CRACD: variants seen among roughly 807,000 people sequenced by gnomAD.
CRACD encodes capping protein-inhibiting regulator of actin dynamics.
In CRACD, 56 loss-of-function variants were observed where a neutral mutation model predicts 106.8. The ratio of observed to expected loss-of-function variants is 0.52; its 90% CI spans 0.42 to 0.66. The LOEUF (loss-of-function observed/expected upper bound fraction) is 0.66. Among genes scored for constraint, CRACD ranks in the 30% least tolerant of loss-of-function variants. The probability of loss-of-function intolerance (pLI) is 0.00; values close to 1 mark genes in which losing one functional copy is unlikely to be tolerated. For synonymous variants in CRACD, 754 were observed against 670.8 expected (o/e 1.12, Z -1.92); for missense variants, 1,730 against 1,623.2 (o/e 1.07, Z -1.13).
At chr4:56,317,141 A>G (rs1258484387) in intron 8 of CRACD, among the ~76,000 whole-genome samples, 3 of 152,216 alleles carry the variant, frequency 2.0e-5, no homozygotes, top group African/African-American at 2.4e-5. Flanking sequence ...AATTCCCCAG[A>G]TAAGGAGTTT....
intron 2 of CRACD, among the ~76,000 whole-genome samples, chr4:56,262,476 A>C (rs1269127460): frequency 1.3e-5 from 2 of 152,174 alleles, no homozygotes; most frequent in Non-Finnish European, 2.9e-5. Flanking sequence ...AGCCCCACAC[A>C]AATTCATAAA....
At position 56,095,586 on chromosome 4, in the gene CRACD, C is replaced by T. The variant is rs150939570; in HGVS notation, c.-336+46287C>T. On this transcript the variant is annotated intron_variant, in intron 1 of 10. Coordinates refer to ENST00000682029, the MANE Select transcript of CRACD (RefSeq NM_001393381.1). ...TGTGGAAATGCTCCAAGGTGGGCTG[C>T]GCCTACCTTGGTCAAGAAGCAGTAA... Among the ~76,000 whole-genome samples, 6 of 152,218 alleles carry T rather than the reference C, an allele frequency of 3.9e-5. No individual in the cohort carries two copies. The East Asian group carries it at 7.7e-4, about 20-fold the overall frequency.
chr4:56,057,799 ATTTTTTTTTTTTTTGTT>A (rs1732130777), intron 1 of CRACD, among the ~76,000 whole-genome samples: 5 of 43,482 alleles, frequency 1.1e-4, no homozygotes, highest in South Asian at 7.9e-4. Flanking sequence ...CATTTTTTGT[ATTTTTTTTTTTTTTGTT>A]TTTTTTTTTT....
chr4:56,058,098 A>C (rs1732149599), intron 1 of CRACD, among the ~76,000 whole-genome samples: 1 of 150,982 alleles, frequency 6.6e-6, no homozygotes, highest in Non-Finnish European at 1.5e-5. Context: ...CTAGGATTAC[A>C]GGCATGAGCC....
chr4:56,243,787 C>T (rs1247318822), intron 2 of CRACD, among the ~76,000 whole-genome samples: 3 of 152,190 alleles, frequency 2.0e-5, no homozygotes, highest in Non-Finnish European at 2.9e-5. Flanking sequence ...TCCAATTACA[C>T]TCTTTAAGTT....
intron 2 of CRACD, among the ~76,000 whole-genome samples, chr4:56,186,115 T>A (rs1189032161): frequency 6.6e-6 from 1 of 152,162 alleles, no homozygotes; most frequent in East Asian, 1.9e-4. Context: ...CCAAGATGAG[T>A]TGCACAGATG....
chr4:56,171,804 C>T (rs73240522), intron 1 of CRACD, among the ~76,000 whole-genome samples: 5,857 of 152,156 alleles, frequency 0.038, 199 homozygotes, highest in Non-Finnish European at 0.057. Flanking sequence ...ATGCCTGCCT[C>T]CGTCCTGTGG....
intron 2 of CRACD, among the ~76,000 whole-genome samples, chr4:56,185,158 T>C (rs112403124): frequency 6.6e-6 from 1 of 152,192 alleles, no homozygotes; most frequent in African/African-American, 2.4e-5. Context: ...AGGGTTTCAC[T>C]GTGTTAGCCA....
chr4:56,228,044 C>T (rs1036434015), intron 2 of CRACD, among the ~76,000 whole-genome samples: 1 of 152,068 alleles, frequency 6.6e-6, no homozygotes, highest in Non-Finnish European at 1.5e-5. Context: ...CAGTGTATAC[C>T]CAATTTCAGG....
rs551723042 is a variant in CRACD at position 56,113,394 on chromosome 4, CT to C, written c.-336+64100del. 1.3e-4 allele frequency among the ~76,000 whole-genome samples: 20 copies of C among 152,200 alleles called. No individual in the cohort carries two copies. In the East Asian group the frequency reaches 3.9e-3, roughly 29 times the overall value. Reference sequence around the variant, plus strand: ...TGATGTCTAATGATAGGCAGTAAGTCTTTTTCCTAGTTTGCAAAAAGCTGTT... The same window carrying C: ...TGATGTCTAATGATAGGCAGTAAGTCTTTTCCTAGTTTGCAAAAAGCTGTT... On this transcript the variant is annotated intron_variant, in intron 1 of 10. Coordinates refer to ENST00000682029, the MANE Select transcript of CRACD (RefSeq NM_001393381.1).
At chr4:56,115,435 T>A (rs915888445) in intron 1 of CRACD, among the ~76,000 whole-genome samples, 2 of 152,224 alleles carry the variant, frequency 1.3e-5, no homozygotes, top group Non-Finnish European at 2.9e-5. Flanking sequence ...TAGAAAAATA[T>A]AATCATATAG....
chr4:56,314,490 G>T lies in CRACD; in HGVS notation c.988G>T (p.Glu330Ter), dbSNP rs745403411. The T allele has an allele frequency of 1.3e-6, 2 of 1,522,938 alleles. No individual in the cohort carries two copies. Among genetic ancestry groups the T allele is most frequent in the South Asian group, 2.5e-5 (2 of 80,456 alleles). The allele number at this position is 1,522,938 out of a possible 1,614,324, so 94.3% of individuals were successfully genotyped here. The part of the protein sequence containing the change: ...RRRLQAQAQA[E>*]ERRRLEEDAR... ...GCGTCTGCAGGCCCAGGCCCAAGCG[G>T]AGGAGAGGCGGCGGCTGGAGGAGGA... is the stretch of plus-strand genomic sequence containing the variant. The change falls in exon 8 of 11, where the codon GAG (glutamate) becomes TAG (stop). Residue 330 changes from glutamate (E) to a stop codon, truncating the protein, a stop_gained. Coordinates refer to ENST00000682029, the MANE Select transcript of CRACD (RefSeq NM_001393381.1). LOFTEE classifies it high-confidence loss of function. The surrounding 1 kb of genome is among the most constrained non-coding windows in gnomAD (Gnocchi z 4.4).
At chr4:56,213,328 C>A (rs1345532976) in intron 2 of CRACD, among the ~76,000 whole-genome samples, 1 of 152,138 alleles carries the variant, frequency 6.6e-6, no homozygotes, top group Non-Finnish European at 1.5e-5. Context: ...TGCCTGTAAT[C>A]CCAGCCACTC....
intron 4 of CRACD, among the ~76,000 whole-genome samples, chr4:56,306,347 A>G (rs1371979611): frequency 6.6e-6 from 1 of 152,018 alleles, no homozygotes; most frequent in East Asian, 1.9e-4. Context: ...TACAAAAGTT[A>G]GCTGGCTGTG....
intron 2 of CRACD, among the ~76,000 whole-genome samples, chr4:56,265,730 G>A (rs17086595): frequency 0.26 from 39,823 of 152,026 alleles, 5,376 homozygotes; most frequent in African/African-American, 0.27. Flanking sequence ...TCAAAAATGT[G>A]CTGGTACCAA....
chr4:56,245,938 G>A (rs372700413), intron 2 of CRACD, among the ~76,000 whole-genome samples: 9 of 152,160 alleles, frequency 5.9e-5, no homozygotes, highest in African/African-American at 2.2e-4. Context: ...TAAGATTCAA[G>A]CAAAATGTAG....
intron 3 of CRACD, among the ~76,000 whole-genome samples, chr4:56,273,203 T>C (rs1742463713): frequency 6.6e-6 from 1 of 152,140 alleles, no homozygotes; most frequent in Non-Finnish European, 1.5e-5. Context: ...TGCAGGTTGC[T>C]CAGGCACAGG....
Position 56,314,200 on chromosome 4 carries a change from C to T in CRACD, c.698C>T (p.Ala233Val), listed in dbSNP as rs1745345989. Residue 233 changes from alanine to valine, a missense_variant, in exon 8 of 11, where the codon GCC becomes GTC. Ala to Val is a moderately conservative substitution (Grantham distance 64). Coordinates refer to ENST00000682029, the MANE Select transcript of CRACD (RefSeq NM_001393381.1). This position sits in a 1 kb window ranked among gnomAD's most constrained non-coding sequence, Gnocchi z 4.4. ...RQEDYWRELE[A>V]KCKRQKAEAA... Reference sequence around the variant, plus strand: ...GAAGACTACTGGCGAGAACTGGAGGCCAAGTGCAAGCGGCAAAAGGCGGAA... The same window carrying T: ...GAAGACTACTGGCGAGAACTGGAGGTCAAGTGCAAGCGGCAAAAGGCGGAA... 6.2e-7 allele frequency: 1 copy of T among 1,611,702 alleles called. No individual in the cohort carries two copies. Among genetic ancestry groups the T allele is most frequent in the Admixed American group, 1.7e-5 (1 of 59,310 alleles).
chr4:56,091,926 T>G (rs1183044237), intron 1 of CRACD, among the ~76,000 whole-genome samples: 1 of 152,168 alleles, frequency 6.6e-6, no homozygotes, highest in Non-Finnish European at 1.5e-5. Context: ...TTATGGAGCT[T>G]AAATTTTAAA....
Sources: allele counts gnomAD v4.1 joint callset (sites outside exome capture counted in the v4.1 genomes callset), GRCh38; gene constraint gnomAD v4.1.1; non-coding constraint Gnocchi (gnomAD v3.1); transcripts MANE v1.5; gene names NCBI Gene and HGNC (gene_info 2026-07-23, HGNC 2026-07-21).